The following WFS1 variants were observed in gnomAD, a reference collection of about 807,000 sequenced individuals.
WFS1 encodes the protein wolframin.
Under a neutral mutation model 68.5 loss-of-function variants are expected in WFS1, and 90 were observed. That is an observed-to-expected ratio of 1.31 (90% CI 1.11 to 1.56). WFS1 has a LOEUF of 1.56. Ranked by LOEUF, WFS1 falls within the 40% of genes most tolerant of loss-of-function variation. WFS1 has a pLI of 0.00. For missense variants in WFS1, 1,767 were observed against 1,232.6 expected, an observed-to-expected ratio of 1.43 and a Z score of -6.49; for synonymous variants, 860 against 540.7, an observed-to-expected ratio of 1.59 and a Z score of -8.19.
At chr4:6,284,464 A>C (rs1730255780) in intron 2 of WFS1, among the ~76,000 whole-genome samples, 1 of 152,190 alleles carries the variant, frequency 6.6e-6, no homozygotes, top group Non-Finnish European at 1.5e-5. Flanking sequence ...TGAAAAATTA[A>C]TTATGGACTG....
chr4:6,291,073 A>T (rs1229188570), intron 4 of WFS1, 124 bp from the exon 5 acceptor site: 19 of 1,135,486 alleles, frequency 1.7e-5, no homozygotes, highest in African/African-American at 3.1e-5. Flanking sequence ...TTCCCTGGTA[A>T]CCAAGTCCTG....
At chr4:6,270,918 A>C (rs1299547644) in intron 1 of WFS1, among the ~76,000 whole-genome samples, 2 of 152,150 alleles carry the variant, frequency 1.3e-5, no homozygotes, top group Non-Finnish European at 2.9e-5. Context: ...CACGAAGCTG[A>C]TGGGGCAGAG....
Position 6,291,257 on chromosome 4 carries a change from G to C in WFS1, c.521G>C (p.Arg174Thr), listed in dbSNP as rs1730454439. The C allele has an allele frequency of 6.2e-7, 1 of 1,613,202 alleles. No homozygotes were observed. The highest frequency in any genetic ancestry group is 1.3e-5 in the African/African-American group (1 of 74,884). Residue 174 changes from arginine (R) to threonine (T), a missense_variant, in exon 5 of 8, where the codon AGG (arginine) becomes ACG (threonine). Transcript: ENST00000226760. ...RQLSSETDLERAVRKAALVMY... is the reference protein window; with the variant it reads ...RQLSSETDLETAVRKAALVMY... ...CTCTCCTCCGAGACCGACCTGGAGAGGGCCGTGCGCAAGGCAGCCCTGGTC... is the reference window on the plus strand; with the variant it reads ...CTCTCCTCCGAGACCGACCTGGAGACGGCCGTGCGCAAGGCAGCCCTGGTC...
At chr4:6,297,756 C>T (rs998297815) in intron 7 of WFS1, among the ~76,000 whole-genome samples, 9 of 152,174 alleles carry the variant, frequency 5.9e-5, no homozygotes, top group African/African-American at 2.2e-4. Context: ...AAGTTTCGTT[C>T]TTTTTCCATC....
chr4:6,293,660 C>T (rs1730532273), intron 6 of WFS1, among the ~76,000 whole-genome samples: 1 of 152,208 alleles, frequency 6.6e-6, no homozygotes, highest in Non-Finnish European at 1.5e-5. Flanking sequence ...ACTGGCTGCT[C>T]CTTCTTGGGG....
chr4:6,288,935 G>C, intron 3 of WFS1, 52 bp from the exon 4 acceptor site: 1 of 1,591,854 alleles, frequency 6.3e-7, no homozygotes, highest in Non-Finnish European at 8.5e-7. Context: ...CAGGGAGCAT[G>C]GGGTGGGAGA....
chr4:6,273,624 C>T lies in WFS1; in HGVS notation c.-6+3610C>T, dbSNP rs114223974. Among the ~76,000 whole-genome samples the T allele has an allele frequency of 4.9e-3, 752 of 152,308 alleles. 10 individuals carry two copies. Among genetic ancestry groups the T allele is most frequent in the African/African-American group, 0.016 (654 of 41,564 alleles). ...ATTCCTGGCAAGGCAGCCGGTCTTC[C>T]GAGTGGATAAGCTGCAGCCCTGCCC... is the stretch of plus-strand genomic sequence containing the variant. On this transcript the variant is annotated intron_variant, in intron 1 of 7. Coordinates refer to ENST00000226760, the MANE Select transcript of WFS1 (RefSeq NM_006005.3).
intron 7 of WFS1, 140 bp from the exon 8 acceptor site, chr4:6,300,517 A>ACT: frequency 7.6e-7 from 1 of 1,312,146 alleles, no homozygotes; most frequent in East Asian, 2.5e-5. Context: ...AGGGAGGACC[A>ACT]CTAGGATGGG....
chr4:6,273,564 C>A (rs1399464047), intron 1 of WFS1, among the ~76,000 whole-genome samples: 1 of 95,120 alleles, frequency 1.1e-5, no homozygotes, highest in Non-Finnish European at 2.2e-5. Flanking sequence ...CAGGCTGCCT[C>A]AGGCTTCTGC....
chr4:6,286,945 T>C, intron 2 of WFS1, 148 bp from the exon 3 acceptor site: 1 of 761,132 alleles, frequency 1.3e-6, no homozygotes, highest in Non-Finnish European at 2.3e-6. Flanking sequence ...CTTCCCTGTC[T>C]GTGTCTGTGT....
chr4:6,275,278 A>G (rs1201661526), intron 1 of WFS1, among the ~76,000 whole-genome samples: 1 of 152,208 alleles, frequency 6.6e-6, no homozygotes, highest in African/African-American at 2.4e-5. Flanking sequence ...AGACAAGGCC[A>G]CGTGTCATTT....
intron 3 of WFS1, among the ~76,000 whole-genome samples, chr4:6,288,319 A>T (rs548534400): frequency 6.6e-6 from 1 of 152,138 alleles, no homozygotes; most frequent in South Asian, 2.1e-4. Context: ...CGGGGGGAGC[A>T]TAGTAAGCCC....
chr4:6,293,000 T>C (rs1364656737), intron 6 of WFS1, among the ~76,000 whole-genome samples: 2 of 152,142 alleles, frequency 1.3e-5, no homozygotes, highest in African/African-American at 4.8e-5. Context: ...CCTGCTCCAT[T>C]TGGGGGAGAC....
intron 1 of WFS1, among the ~76,000 whole-genome samples, chr4:6,276,676 C>G (rs942847783): frequency 3.9e-5 from 6 of 152,316 alleles, no homozygotes; most frequent in Middle Eastern, 3.4e-3. Flanking sequence ...TTACTCAGTA[C>G]CAGCGTATTA....
intron 7 of WFS1, among the ~76,000 whole-genome samples, chr4:6,300,062 G>A (rs563315106): frequency 6.6e-6 from 1 of 152,186 alleles, no homozygotes; most frequent in African/African-American, 2.4e-5. Context: ...GCCCCGTGCA[G>A]CTGAACGGTA....
intron 1 of WFS1, among the ~76,000 whole-genome samples, chr4:6,273,131 C>A (rs1445426225): frequency 1.3e-5 from 2 of 152,230 alleles, no homozygotes; most frequent in African/African-American, 4.8e-5. Flanking sequence ...GGTTGCCCCC[C>A]CAGAGAGAAC....
At chr4:6,290,066 GTAGC>G (rs369380268) in intron 4 of WFS1, among the ~76,000 whole-genome samples, 9 of 152,288 alleles carry the variant, frequency 5.9e-5, no homozygotes, top group African/African-American at 2.2e-4. Flanking sequence ...AGCCTTTTGA[GTAGC>G]TGAGATTACA....
chr4:6,276,776 C>G (rs976500781), intron 1 of WFS1, among the ~76,000 whole-genome samples: 1 of 152,230 alleles, frequency 6.6e-6, no homozygotes, highest in Non-Finnish European at 1.5e-5. Flanking sequence ...AGGCAGAAGT[C>G]TGAAGTCAAG....
chr4:6,302,555 G>T lies in WFS1; in HGVS notation c.*87G>T. Reference sequence around the variant, plus strand: ...CCCAGCCCGACAGGCATGCACCAGTGCCGCCTGTGCCCACGTGTGCAGACT... The same window carrying T: ...CCCAGCCCGACAGGCATGCACCAGTTCCGCCTGTGCCCACGTGTGCAGACT... On this transcript the variant is annotated 3_prime_UTR_variant, in exon 8 of 8. Coordinates refer to ENST00000226760, the MANE Select transcript of WFS1 (RefSeq NM_006005.3). 4.4e-6 allele frequency: 7 copies of T among 1,579,940 alleles called. No individual in the cohort carries two copies. The highest frequency in any genetic ancestry group is 6.0e-6 in the Non-Finnish European group (7 of 1,164,932).
Sources: gnomAD v4.1 joint callset for allele counts (sites outside exome capture counted in the v4.1 genomes callset) on GRCh38, gnomAD v4.1.1 for gene constraint, MANE v1.5 for transcripts, NCBI Gene and HGNC (gene_info 2026-07-23, HGNC 2026-07-21) for gene names.